The following MAP4K3 variants were observed in gnomAD, a reference collection of about 807,000 sequenced individuals.
MAP4K3 encodes the protein MAPK/ERK kinase kinase kinase 3.
A neutral mutation model predicts 143.5 loss-of-function variants in MAP4K3; 94 were observed. That is an observed-to-expected ratio of 0.65 (90% CI 0.55 to 0.78). MAP4K3 has a LOEUF of 0.78. Ranked by LOEUF, MAP4K3 falls within the 30% of genes least tolerant of loss-of-function variation. The pLI is 0.00. For missense variants in MAP4K3, 1,077 were observed against 1,068.1 expected (o/e 1.01, Z -0.12); for synonymous variants, 416 against 347.2 (o/e 1.20, Z -2.20).
intron 2 of MAP4K3, among the ~76,000 whole-genome samples, chr2:39,377,201 CTTTTTT>C (rs56149359): frequency 9.0e-6 from 1 of 110,588 alleles, no homozygotes; most frequent in Non-Finnish European, 1.9e-5. Flanking sequence ...GCTATTTGGC[CTTTTTT>C]TTTTTTTTAA....
At chr2:39,435,622 G>A (rs749400751) in intron 1 of MAP4K3, among the ~76,000 whole-genome samples, 3 of 152,050 alleles carry the variant, frequency 2.0e-5, no homozygotes, top group African/African-American at 4.8e-5. Context: ...AAAATTAAAC[G>A]GCAATAATTA....
intron 1 of MAP4K3, among the ~76,000 whole-genome samples, chr2:39,434,648 C>T (rs1382295489): frequency 6.6e-6 from 1 of 152,234 alleles, no homozygotes; most frequent in African/African-American, 2.4e-5. Context: ...TTTAGAGAGG[C>T]AGCACTGCCA....
intron 1 of MAP4K3, among the ~76,000 whole-genome samples, chr2:39,385,424 T>C (rs550197313): frequency 1.6e-3 from 246 of 151,942 alleles, no homozygotes; most frequent in Non-Finnish European, 3.0e-3. Flanking sequence ...TGCATTTCCT[T>C]GATGACTAAT....
chr2:39,340,449 A>AT (rs1329637825), intron 4 of MAP4K3, among the ~76,000 whole-genome samples: 3 of 152,170 alleles, frequency 2.0e-5, no homozygotes, highest in Non-Finnish European at 4.4e-5. Flanking sequence ...GAAAACTGCC[A>AT]TTTTTTTCCA....
At chr2:39,336,853 C>A in intron 6 of MAP4K3, 67 bp downstream of exon 6, 1 of 675,698 alleles carries the variant, frequency 1.5e-6, no homozygotes, top group South Asian at 2.5e-5. Context: ...CAATTTTGCT[C>A]AAAACAATTT....
intron 2 of MAP4K3, among the ~76,000 whole-genome samples, chr2:39,363,012 A>T (rs1453030527): frequency 6.6e-6 from 1 of 152,218 alleles, no homozygotes; most frequent in East Asian, 1.9e-4. Context: ...ATGACATTGG[A>T]CGTTATCCTA....
intron 4 of MAP4K3, among the ~76,000 whole-genome samples, chr2:39,338,110 G>C (rs1443330007): frequency 6.6e-6 from 1 of 151,990 alleles, no homozygotes; most frequent in African/African-American, 2.4e-5. Context: ...TGTATCTCCA[G>C]TGTGCAGAAC....
Position 39,296,097 on chromosome 2 carries a change from T to A in MAP4K3, c.1179-2829A>T, listed in dbSNP as rs142262829. ...AAGAGAATGGTTGAATAAGTGAATATGAAAAAGCAGATAGCCCATGGCTCA... is the reference window on the plus strand; with the variant it reads ...AAGAGAATGGTTGAATAAGTGAATAAGAAAAAGCAGATAGCCCATGGCTCA... On this transcript the variant is annotated intron_variant, in intron 16 of 33. Transcript: ENST00000263881. Among the ~76,000 whole-genome samples, 14 of 152,298 alleles carry A rather than the reference T, an allele frequency of 9.2e-5. No homozygotes were observed. The East Asian group carries it at 2.7e-3, about 29-fold the overall frequency.
At chr2:39,256,606 T>C (rs1349470738) in intron 31 of MAP4K3, among the ~76,000 whole-genome samples, 1 of 152,236 alleles carries the variant, frequency 6.6e-6, no homozygotes, top group Admixed American at 6.5e-5. Flanking sequence ...TACTATTTGA[T>C]AATGTGTAAT....
At chr2:39,257,672 G>A (rs891595278) in intron 31 of MAP4K3, among the ~76,000 whole-genome samples, 4 of 151,404 alleles carry the variant, frequency 2.6e-5, no homozygotes, top group East Asian at 2.0e-4. Flanking sequence ...GGTGGCGGGC[G>A]CCTGTAATCC....
chr2:39,428,217 T>C (rs1234850198), intron 1 of MAP4K3, among the ~76,000 whole-genome samples: 1 of 152,226 alleles, frequency 6.6e-6, no homozygotes, highest in Non-Finnish European at 1.5e-5. Flanking sequence ...GAATTTTCTT[T>C]AGGATCTCCT....
intron 7 of MAP4K3, among the ~76,000 whole-genome samples, chr2:39,332,986 C>T (rs1040285330): frequency 3.9e-5 from 6 of 151,984 alleles, no homozygotes; most frequent in African/African-American, 1.4e-4. Context: ...ATAACGAACA[C>T]TTGTTCTTAA....
At chr2:39,271,719 G>A (rs1573078173) in intron 26 of MAP4K3, among the ~76,000 whole-genome samples, 1 of 152,278 alleles carries the variant, frequency 6.6e-6, no homozygotes, top group Non-Finnish European at 1.5e-5. Context: ...AGCCTCCTGA[G>A]TAGCTGGAAC....
intron 12 of MAP4K3, among the ~76,000 whole-genome samples, chr2:39,319,072 C>A (rs1448064629): frequency 6.6e-6 from 1 of 152,070 alleles, no homozygotes; most frequent in Non-Finnish European, 1.5e-5. Context: ...CTAGAATGCA[C>A]AGGGCAGCCC....
At position 39,254,313 on chromosome 2, in the gene MAP4K3, C is replaced by T. The variant is rs948638269; in HGVS notation, c.2541+137G>A. On this transcript the variant is annotated intron_variant, in intron 32 of 33. Coordinates refer to ENST00000263881, the MANE Select transcript of MAP4K3 (RefSeq NM_003618.4). ...GTGGACATAGAGTATGGGCTACTGA[C>T]TTTATCAATAGACTAAATACAGTAA... is the stretch of plus-strand genomic sequence containing the variant. 2.6e-5 allele frequency: 17 copies of T among 653,190 alleles called. No homozygotes were observed. In the African/African-American group the frequency reaches 2.9e-4, roughly 11 times the overall value. The allele number at this position is 653,190 out of a possible 1,614,324, so 40.5% of individuals were successfully genotyped here. A position where few individuals can be genotyped will look rare whatever the true frequency, so the allele number is the denominator to read the frequency against.
chr2:39,282,272 C>G (rs554036404), intron 22 of MAP4K3, among the ~76,000 whole-genome samples: 4 of 151,896 alleles, frequency 2.6e-5, no homozygotes, highest in African/African-American at 4.8e-5. Flanking sequence ...CCAAGGTGGG[C>G]AGATCACTTG....
intron 1 of MAP4K3, among the ~76,000 whole-genome samples, chr2:39,419,268 G>T (rs962616987): frequency 2.6e-5 from 4 of 151,680 alleles, no homozygotes; most frequent in Non-Finnish European, 4.4e-5. Context: ...TCCCTTTACT[G>T]CCAGACAAAA....
intron 1 of MAP4K3, among the ~76,000 whole-genome samples, chr2:39,402,627 GAAGA>G (rs1666979928): frequency 6.6e-6 from 1 of 151,922 alleles, no homozygotes; most frequent in Non-Finnish European, 1.5e-5. Context: ...CAAGTAAGCA[GAAGA>G]AAGAAAATAA....
At chr2:39,436,255 A>C (rs1665471168) in intron 1 of MAP4K3, among the ~76,000 whole-genome samples, 1 of 152,264 alleles carries the variant, frequency 6.6e-6, no homozygotes, top group East Asian at 1.9e-4. Flanking sequence ...GTCACTTTTT[A>C]AAAAACAAGT....
Sources: gnomAD v4.1 joint callset for allele counts (sites outside exome capture counted in the v4.1 genomes callset) on GRCh38, gnomAD v4.1.1 for gene constraint, MANE v1.5 for transcripts, NCBI Gene and HGNC (gene_info 2026-07-23, HGNC 2026-07-21) for gene names.